TRRAP: variants seen among roughly 807,000 people sequenced by gnomAD.
TRRAP encodes transformation/transcription domain-associated protein.
A neutral mutation model predicts 438.8 loss-of-function variants in TRRAP; 41 were observed. That is an observed-to-expected ratio of 0.09 (90% CI 0.07 to 0.12). TRRAP has a LOEUF of 0.12. TRRAP is among the 10% of genes least tolerant of loss of function. TRRAP has a pLI of 1.00. For synonymous variants in TRRAP, 1,994 were observed against 1,962.9 expected (o/e 1.02, Z -0.42); for missense variants, 3,122 against 5,055.1 (o/e 0.62, Z 11.60).
rs1267652883 is a variant in TRRAP, at chr7:98,878,583, G to T, written c.-116G>T. ...GAGCGGTTGCGACGAGGGCTCGGCT[G>T]GGGGTCGCCGGGGTCGCGGGCCGGG... On this transcript the variant is annotated 5_prime_UTR_variant, in exon 1 of 73. Transcript: ENST00000456197. 1 of 151,118 alleles carries T rather than the reference G, an allele frequency of 6.6e-6. No homozygotes were observed. The highest frequency in any genetic ancestry group is 6.6e-5 in the Admixed American group (1 of 15,138). 9.4% of individuals were successfully genotyped at this position (151,118 alleles called of 1,614,324 possible).
chr7:98,966,930 T>G, intron 49 of TRRAP, 111 bp from the exon 50 acceptor site: 1 of 1,194,992 alleles, frequency 8.4e-7, no homozygotes, highest in Non-Finnish European at 1.2e-6. Flanking sequence ...TGCCTTACTG[T>G]TTAGGAATGA....
In TRRAP at chr7:98,976,031, T is replaced by C; in HGVS notation, c.7840-118T>C. Reference sequence around the variant, plus strand: ...TGGCATTTTCTCAGATCTTTGAAACTTTGAAAGTGGAGGAGCATCGGTAAT... The same window carrying C: ...TGGCATTTTCTCAGATCTTTGAAACCTTGAAAGTGGAGGAGCATCGGTAAT... On this transcript the variant is annotated intron_variant, in intron 53 of 72. Coordinates refer to ENST00000456197, the MANE Select transcript of TRRAP (RefSeq NM_001375524.1). This position sits in a 1 kb window ranked among gnomAD's most constrained non-coding sequence, Gnocchi z 4.6. 7.7e-7 allele frequency: 1 copy of C among 1,306,812 alleles called. No individual in the cohort carries two copies. Among genetic ancestry groups the C allele is most frequent in the Non-Finnish European group, 1.0e-6 (1 of 973,728 alleles). 81.0% of individuals were successfully genotyped at this position (1,306,812 alleles called of 1,614,324 possible).
chr7:98,969,742 T>C (rs1167154355), intron 51 of TRRAP, among the ~76,000 whole-genome samples: 7 of 7,656 alleles, frequency 9.1e-4, no homozygotes, highest in African/African-American at 4.2e-3. Context: ...CGGGAAGCTA[T>C]GGGTGGGTGG....
intron 65 of TRRAP, 149 bp downstream of exon 65, chr7:98,992,376 C>A: frequency 1.3e-6 from 1 of 749,402 alleles, no homozygotes; most frequent in Non-Finnish European, 2.2e-6. Context: ...CACCGTAGGG[C>A]AGGAAGCAAA....
At chr7:98,917,746 T>C in intron 20 of TRRAP, 67 bp downstream of exon 20, 1 of 1,566,230 alleles carries the variant, frequency 6.4e-7, no homozygotes, top group Non-Finnish European at 8.7e-7. Flanking sequence ...TTGGGTTCTC[T>C]GTACTCAAGA....
Position 98,956,922 on chromosome 7 carries a change from G to A in TRRAP, c.6231+389G>A, listed in dbSNP as rs1421726411. On this transcript the variant is annotated intron_variant, in intron 43 of 72. Transcript: ENST00000456197. This position sits in a 1 kb window ranked among gnomAD's most constrained non-coding sequence, Gnocchi z 4.5. ...AGGGTCCTGGGTATTGCCCCTTGTG[G>A]AGTGGTGGCCCTAGGAGCCCTGAGT... 1.3e-5 allele frequency among the ~76,000 whole-genome samples: 2 copies of A among 151,976 alleles called. No homozygotes were observed. Among genetic ancestry groups the A allele is most frequent in the Non-Finnish European group, 2.9e-5 (2 of 67,998 alleles).
chr7:98,915,591 T>G (rs927750557), intron 18 of TRRAP, 132 bp from the exon 19 acceptor site: 26 of 1,133,926 alleles, frequency 2.3e-5, no homozygotes, highest in Non-Finnish European at 3.0e-5. Context: ...GCTTGTTTGG[T>G]TTTTTCCCTT....
intron 12 of TRRAP, among the ~76,000 whole-genome samples, 167 bp downstream of exon 12, chr7:98,903,684 C>T (rs1796575964): frequency 6.6e-6 from 1 of 152,106 alleles, no homozygotes; most frequent in African/African-American, 2.4e-5. Context: ...TCTCTGCCTC[C>T]CTGTATTAGT....
At chr7:98,962,887 T>A (rs1355865067) in intron 47 of TRRAP, among the ~76,000 whole-genome samples, 4 of 152,110 alleles carry the variant, frequency 2.6e-5, no homozygotes, top group Non-Finnish European at 5.9e-5. Flanking sequence ...GGCAGCTGGG[T>A]CACTCTGGCC....
intron 18 of TRRAP, among the ~76,000 whole-genome samples, chr7:98,913,059 G>T (rs1554409010): frequency 6.6e-6 from 1 of 152,050 alleles, no homozygotes; most frequent in East Asian, 1.9e-4. Flanking sequence ...TCTTAATTTG[G>T]TCCTCGTTGC....
chr7:98,967,020 C>T (rs1562963885), intron 49 of TRRAP, 21 bp from the exon 50 acceptor site: 1 of 1,594,438 alleles, frequency 6.3e-7, no homozygotes, highest in Non-Finnish European at 8.5e-7. Flanking sequence ...TTAACTGCGT[C>T]TTTTCTCAAA....
chr7:98,997,525 G>GCCGAATTC lies in TRRAP; in HGVS notation c.10309+2680_10309+2687dup, dbSNP rs1462875483. Among the ~76,000 whole-genome samples, 3 of 133,868 alleles carry GCCGAATTC rather than the reference G, an allele frequency of 2.2e-5. No individual in the cohort carries two copies. In the East Asian group the frequency reaches 7.3e-4, roughly 33 times the overall value. 87.8% of individuals were successfully genotyped at this position (133,868 alleles called of 152,430 possible). ...AAAAAAAAAAAAATTAGAGTAGGAAGCCGAATTCCCATAGCTTGTTAGAGA... is the reference window on the plus strand; with the variant it reads ...AAAAAAAAAAAAATTAGAGTAGGAAGCCGAATTCCCGAATTCCCATAGCTTGTTAGAGA... On this transcript the variant is annotated intron_variant, in intron 67 of 72. Transcript: ENST00000456197.
intron 62 of TRRAP, among the ~76,000 whole-genome samples, chr7:98,985,270 A>G (rs1044531166): frequency 6.6e-6 from 1 of 152,250 alleles, no homozygotes; most frequent in Non-Finnish European, 1.5e-5. Flanking sequence ...CAAATGAGCT[A>G]CTGGATCACA....
intron 18 of TRRAP, among the ~76,000 whole-genome samples, chr7:98,914,186 A>G (rs1473646612): frequency 2.6e-5 from 4 of 151,998 alleles, no homozygotes; most frequent in African/African-American, 9.7e-5. Context: ...CTTGAGCCCA[A>G]GAGTTCAAGA....
chr7:98,885,893 G>T (rs1184178386), intron 3 of TRRAP, among the ~76,000 whole-genome samples: 1 of 152,192 alleles, frequency 6.6e-6, no homozygotes, highest in African/African-American at 2.4e-5. Flanking sequence ...TGACCCTTTT[G>T]AGGTTTTGAG....
rs865813660 is a variant in TRRAP, at chr7:98,978,812, G to A, written c.8542G>A (p.Gly2848Ser). The A allele has an allele frequency of 5.0e-6, 8 of 1,614,200 alleles. No homozygotes were observed. The highest frequency in any genetic ancestry group is 1.3e-5 in the African/African-American group (1 of 75,052). ...LNQWEALTEY[G>S]QSKGHINPYL... Reference sequence around the variant, plus strand: ...CCAGTGGGAAGCCCTGACGGAGTACGGTCAGTCCAAAGGCCACATCAACCC... The same window carrying A: ...CCAGTGGGAAGCCCTGACGGAGTACAGTCAGTCCAAAGGCCACATCAACCC... The change falls in exon 58 of 73, where the codon GGT (glycine) becomes AGT (serine). Residue 2848 changes from glycine (G) to serine (S), a missense_variant. Gly to Ser is a moderately conservative substitution (Grantham distance 56). Coordinates refer to ENST00000456197, the MANE Select transcript of TRRAP (RefSeq NM_001375524.1).
chr7:98,937,726 A>T lies in TRRAP; in HGVS notation c.4310A>T (p.Tyr1437Phe). ...MRPLLMMLGD[Y>F]RSLTLNVVNR... The stretch of plus-strand genomic sequence containing the variant: ...CCTTTGCTGATGATGCTGGGAGATT[A>T]CCGGAGCTTGACGCTGAATGTTGTG... Residue 1437 changes from tyrosine to phenylalanine, a missense_variant, in exon 30 of 73, where the codon TAC (tyrosine) becomes TTC (phenylalanine). Physicochemically the swap from Tyr to Phe is conservative, Grantham distance 22. Transcript: ENST00000456197. The T allele has an allele frequency of 6.2e-7, 1 of 1,614,138 alleles. No homozygotes were observed. Among genetic ancestry groups the T allele is most frequent in the Non-Finnish European group, 8.5e-7 (1 of 1,179,982 alleles).
At chr7:98,996,065 A>G (rs1793643446) in intron 67 of TRRAP, among the ~76,000 whole-genome samples, 1 of 104,932 alleles carries the variant, frequency 9.5e-6, no homozygotes, top group Non-Finnish European at 1.9e-5. Context: ...CACCCCATCC[A>G]CTTACCTGCG....
intron 27 of TRRAP, among the ~76,000 whole-genome samples, chr7:98,934,257 C>T (rs1554413734): frequency 6.6e-6 from 1 of 152,166 alleles, no homozygotes; most frequent in Non-Finnish European, 1.5e-5. Flanking sequence ...TCAGAGTATA[C>T]CGCGGCAAAA....
Sources: allele counts gnomAD v4.1 joint callset (sites outside exome capture counted in the v4.1 genomes callset), GRCh38; gene constraint gnomAD v4.1.1; non-coding constraint Gnocchi (gnomAD v3.1); transcripts MANE v1.5; gene names NCBI Gene and HGNC (gene_info 2026-07-23, HGNC 2026-07-21).